The following DAPK1 variants were observed in gnomAD, a reference collection of about 807,000 sequenced individuals.
DAPK1 encodes death associated protein kinase 1, also known as death-associated protein kinase 1.
In DAPK1, 56 loss-of-function variants were observed where a neutral mutation model predicts 144.9. That is an observed-to-expected ratio of 0.39 (90% CI 0.31 to 0.48). The LOEUF (loss-of-function observed/expected upper bound fraction) is 0.48. Among genes scored for constraint, DAPK1 ranks in the 20% least tolerant of loss-of-function variants. DAPK1 has a pLI of 0.95. For missense variants in DAPK1, 1,454 were observed against 1,875.4 expected (o/e 0.78, Z 4.15); for synonymous variants, 690 against 749.0 (o/e 0.92, Z 1.29).
chr9:87,510,466 CTCTCCAGAGCATG>C (rs1443651847), intron 2 of DAPK1, among the ~76,000 whole-genome samples: 1 of 152,208 alleles, frequency 6.6e-6, no homozygotes, highest in East Asian at 1.9e-4. Context: ...TCCTGGCAAC[CTCTCCAGAGCATG>C]TCCTAGGCTA....
chr9:87,641,195 C>G (rs1280040226), intron 9 of DAPK1, among the ~76,000 whole-genome samples: 1 of 152,198 alleles, frequency 6.6e-6, no homozygotes, highest in Non-Finnish European at 1.5e-5. Flanking sequence ...TCCAGCTTCT[C>G]TTGGGAAATC....
intron 2 of DAPK1, among the ~76,000 whole-genome samples, chr9:87,530,428 T>C (rs1206253030): frequency 6.6e-6 from 1 of 151,646 alleles, no homozygotes; most frequent in Admixed American, 6.6e-5. Flanking sequence ...GGGGAATTTA[T>C]ATTAAGCACA....
chr9:87,630,230 T>C (rs1861827), intron 3 of DAPK1, among the ~76,000 whole-genome samples: 141,110 of 152,326 alleles, frequency 0.93, 65,545 homozygotes, highest in East Asian at 0.99. Context: ...AATAGATAAC[T>C]GCAACAGTTA....
chr9:87,619,825 C>T (rs751337497), intron 3 of DAPK1, among the ~76,000 whole-genome samples: 7 of 152,126 alleles, frequency 4.6e-5, no homozygotes, highest in African/African-American at 1.2e-4. Flanking sequence ...TGCTGATTGT[C>T]GTTGTCATCT....
chr9:87,652,223 TGTGTCCTCC>T (rs1257141999), intron 17 of DAPK1, among the ~76,000 whole-genome samples: 3 of 133,274 alleles, frequency 2.3e-5, no homozygotes, highest in Admixed American at 1.4e-4. Context: ...GTCCTGATTC[TGTGTCCTCC>T]CACCTGATCC....
At chr9:87,552,122 G>C (rs1326823229) in intron 2 of DAPK1, among the ~76,000 whole-genome samples, 1 of 152,032 alleles carries the variant, frequency 6.6e-6, no homozygotes, top group Admixed American at 6.5e-5. Flanking sequence ...CTCAGCCCAG[G>C]CAGGGCCCTG....
intron 2 of DAPK1, among the ~76,000 whole-genome samples, chr9:87,603,283 G>T (rs1019020366): frequency 1.4e-4 from 21 of 152,144 alleles, no homozygotes; most frequent in Non-Finnish European, 2.8e-4. Context: ...TAGAGGGAAG[G>T]TTTTTACTCC....
chr9:87,688,804 C>CT (rs2117939638), intron 21 of DAPK1, among the ~76,000 whole-genome samples: 1 of 151,984 alleles, frequency 6.6e-6, no homozygotes, highest in South Asian at 2.1e-4. Flanking sequence ...TTGTTCAACT[C>CT]TTTAAGTTCC....
intron 14 of DAPK1, among the ~76,000 whole-genome samples, chr9:87,647,873 A>G (rs1021908772): frequency 6.6e-6 from 1 of 152,230 alleles, no homozygotes; most frequent in Non-Finnish European, 1.5e-5. Context: ...CAACGGTGTT[A>G]TAAAAGTTAC....
intron 2 of DAPK1, among the ~76,000 whole-genome samples, chr9:87,516,998 A>T (rs1033254071): frequency 6.6e-6 from 1 of 152,098 alleles, no homozygotes; most frequent in Non-Finnish European, 1.5e-5. Flanking sequence ...TCACCAGTAC[A>T]TGCCACTTCA....
intron 2 of DAPK1, among the ~76,000 whole-genome samples, chr9:87,584,691 T>TGTGTGTGTGTG (rs776346621): frequency 6.6e-6 from 1 of 151,018 alleles, no homozygotes; most frequent in African/African-American, 2.4e-5. Flanking sequence ...TGTGTGTGTG[T>TGTGTGTGTGTG]TTGAGATGGA....
intron 16 of DAPK1, among the ~76,000 whole-genome samples, chr9:87,650,763 A>G (rs1234544893): frequency 6.6e-6 from 1 of 152,146 alleles, no homozygotes; most frequent in Non-Finnish European, 1.5e-5. Context: ...ATGTCTGGGG[A>G]TACTTTCTGG....
chr9:87,580,771 A>G (rs1159816468), intron 2 of DAPK1, among the ~76,000 whole-genome samples: 1 of 152,214 alleles, frequency 6.6e-6, no homozygotes, highest in East Asian at 1.9e-4. Context: ...GCCCCTGTAA[A>G]GAAGACATAT....
intron 3 of DAPK1, among the ~76,000 whole-genome samples, chr9:87,630,418 G>A (rs921711491): frequency 6.6e-6 from 1 of 152,128 alleles, no homozygotes. Flanking sequence ...GATAGGGTAG[G>A]TTGATGACCT....
intron 2 of DAPK1, among the ~76,000 whole-genome samples, chr9:87,525,857 G>A (rs746344761): frequency 1.3e-5 from 2 of 152,082 alleles, no homozygotes; most frequent in African/African-American, 2.4e-5. Context: ...TCATGACCAG[G>A]CTTAATAGTC....
In DAPK1 at chr9:87,706,059, T is replaced by C. The variant is rs1170926210; in HGVS notation, c.3061-73T>C. ...CCTCTGTTGCCGGCATCAGGCCCTT[T>C]AGTGCTCTAAGTGGCTGGTGCACCT... On this transcript the variant is annotated intron_variant, in intron 25 of 25. Transcript: ENST00000408954. This position sits in a 1 kb window ranked among gnomAD's most constrained non-coding sequence, Gnocchi z 9.0. 8.8e-7 allele frequency: 1 copy of C among 1,130,730 alleles called. No individual in the cohort carries two copies. The highest frequency in any genetic ancestry group is 2.4e-5 in the East Asian group (1 of 42,086). The allele number at this position is 1,130,730 out of a possible 1,614,324, so 70.0% of individuals were successfully genotyped here. A position where few individuals can be genotyped will look rare whatever the true frequency, so the allele number is the denominator to read the frequency against.
Position 87,621,513 on chromosome 9 carries a change from T to G in DAPK1, c.284+16338T>G, listed in dbSNP as rs1315625684. ...CCTGGCCTTCCCAGGGAGGAAAGAG[T>G]CTTCATCGTCTTCCTTGTGTGTATC... On this transcript the variant is annotated intron_variant, in intron 3 of 25. Coordinates refer to ENST00000408954, the MANE Select transcript of DAPK1 (RefSeq NM_004938.4). Among the ~76,000 whole-genome samples the G allele has an allele frequency of 6.6e-5, 10 of 152,016 alleles. No homozygotes were observed. The East Asian group carries it at 1.9e-3, about 29-fold the overall frequency.
intron 2 of DAPK1, among the ~76,000 whole-genome samples, chr9:87,514,286 C>T (rs1824962582): frequency 6.6e-6 from 1 of 152,112 alleles, no homozygotes; most frequent in Admixed American, 6.6e-5. Context: ...ATGGTCTGAG[C>T]GTGAGGTCTA....
Position 87,697,021 on chromosome 9 carries a change from A to C in DAPK1, c.2428A>C (p.Ser810Arg). 1 of 1,574,242 alleles carries C rather than the reference A, an allele frequency of 6.4e-7. No homozygotes were observed. The highest frequency in any genetic ancestry group is 8.7e-7 in the Non-Finnish European group (1 of 1,143,416). The stretch of plus-strand genomic sequence containing the variant: ...TTTTTCTGTAGGAGTTGGCGATTTC[A>C]GCGTGTGGGAGTTCTCTGGAAATCC... ...NAYLNGVGDF[S>R]VWEFSGNPVY... Residue 810 changes from serine (S) to arginine (R), a missense_variant, in exon 22 of 26, where the codon AGC becomes CGC. By Grantham distance (110) the Ser-to-Arg change is moderately radical. Around this residue, in one of 2 missense-constraint regions of DAPK1, gnomAD observed 1,025 missense variants for 1,237.9 expected, o/e 0.83. Coordinates refer to ENST00000408954, the MANE Select transcript of DAPK1 (RefSeq NM_004938.4).
Sources: gnomAD v4.1 joint callset for allele counts (sites outside exome capture counted in the v4.1 genomes callset) on GRCh38, gnomAD v4.1.1 for gene constraint, gnomAD v4.1.1 regional missense constraint, Gnocchi (gnomAD v3.1) non-coding constraint, MANE v1.5 for transcripts, NCBI Gene and HGNC (gene_info 2026-07-23, HGNC 2026-07-21) for gene names.